Variants in DARS1 observed in about 807,000 individuals in gnomAD.
DARS1 encodes aspartyl-tRNA synthetase 1.
A neutral mutation model predicts 68.8 loss-of-function variants in DARS1; 51 were observed. The ratio of observed to expected loss-of-function variants is 0.74; its 90% CI spans 0.59 to 0.94. The LOEUF (loss-of-function observed/expected upper bound fraction) is 0.94, where lower values mean the gene tolerates loss of function less well. Among genes scored for constraint, DARS1 ranks in the 40% least tolerant of loss-of-function variants. The pLI, the probability that DARS1 is intolerant of heterozygous loss-of-function variation, is 0.00. For missense variants in DARS1, 607 were observed against 597.3 expected (o/e 1.02, Z -0.17); for synonymous variants, 203 against 190.4 (o/e 1.07, Z -0.55).
chr2:135,953,447 G>C (rs1558792328), intron 4 of DARS1, among the ~76,000 whole-genome samples: 1 of 152,102 alleles, frequency 6.6e-6, no homozygotes, highest in Non-Finnish European at 1.5e-5. Context: ...GCTTTTTTGA[G>C]TGACTTTGTG....
chr2:135,973,132 T>C (rs1682417480), intron 3 of DARS1, among the ~76,000 whole-genome samples: 1 of 152,220 alleles, frequency 6.6e-6, no homozygotes, highest in African/African-American at 2.4e-5. Flanking sequence ...TCATGTTTAC[T>C]GCAGCAGCAT....
chr2:135,983,537 T>A, intron 1 of DARS1, 83 bp from the exon 2 acceptor site: 1 of 589,452 alleles, frequency 1.7e-6, no homozygotes. Context: ...TAATAGAATA[T>A]AAAAATGAAT....
At chr2:135,957,054 C>T (rs949954184) in intron 4 of DARS1, among the ~76,000 whole-genome samples, 1 of 151,944 alleles carries the variant, frequency 6.6e-6, no homozygotes, top group African/African-American at 2.4e-5. Flanking sequence ...TGTGACCAAC[C>T]GCGCCCGGCC....
chr2:135,972,044 T>C (rs1275256224), intron 3 of DARS1, among the ~76,000 whole-genome samples: 4 of 152,060 alleles, frequency 2.6e-5, no homozygotes, highest in African/African-American at 9.7e-5. Context: ...CCTATCAAAA[T>C]GCCAATGACA....
chr2:135,948,092 T>C (rs1056837114), intron 4 of DARS1, among the ~76,000 whole-genome samples: 1 of 152,240 alleles, frequency 6.6e-6, no homozygotes, highest in Non-Finnish European at 1.5e-5. Context: ...CCGTTTTTTT[T>C]CTTAGCACAC....
chr2:135,919,659 C>G (rs997856822), intron 10 of DARS1, among the ~76,000 whole-genome samples: 5 of 152,168 alleles, frequency 3.3e-5, no homozygotes, highest in Non-Finnish European at 7.4e-5. Context: ...AAACAACTTT[C>G]AATGACCTGT....
At chr2:135,968,452 G>T (rs187442591) in intron 3 of DARS1, among the ~76,000 whole-genome samples, 2 of 152,118 alleles carry the variant, frequency 1.3e-5, no homozygotes, top group African/African-American at 4.8e-5. Flanking sequence ...GACACAACTT[G>T]TAAGTGCCTT....
At chr2:135,957,439 TG>T (rs1468796427) in intron 4 of DARS1, among the ~76,000 whole-genome samples, 2 of 152,014 alleles carry the variant, frequency 1.3e-5, no homozygotes, top group Non-Finnish European at 2.9e-5. Context: ...AGGATGGTCT[TG>T]ATCTCCTGAC....
chr2:135,970,723 A>C (rs188905194), intron 3 of DARS1, among the ~76,000 whole-genome samples: 46 of 152,232 alleles, frequency 3.0e-4, no homozygotes, highest in African/African-American at 1.0e-3. Flanking sequence ...AGACTAAGGA[A>C]AAAAGAGAAA....
intron 3 of DARS1, among the ~76,000 whole-genome samples, chr2:135,961,963 T>C (rs889640702): frequency 7.2e-5 from 11 of 152,198 alleles, no homozygotes; most frequent in East Asian, 3.9e-4. Context: ...ACAAACACTA[T>C]GGGGTGGTCC....
chr2:135,936,566 T>C (rs1681477066), intron 5 of DARS1, among the ~76,000 whole-genome samples: 1 of 152,186 alleles, frequency 6.6e-6, no homozygotes, highest in South Asian at 2.1e-4. Flanking sequence ...TGGCCAAATT[T>C]TCTTTATTCA....
chr2:135,936,894 C>T (rs1214443529), intron 5 of DARS1, among the ~76,000 whole-genome samples: 1 of 152,154 alleles, frequency 6.6e-6, no homozygotes, highest in African/African-American at 2.4e-5. Context: ...GCCTGTTGGT[C>T]TGCCTGACTC....
intron 3 of DARS1, among the ~76,000 whole-genome samples, chr2:135,969,214 A>G (rs1215294534): frequency 6.6e-6 from 1 of 152,162 alleles, no homozygotes; most frequent in Admixed American, 6.5e-5. Flanking sequence ...GGTTTCCAAG[A>G]AACACTGTTA....
rs542566467 is a variant in DARS1, at chr2:135,972,657, A to G, written c.217+6617T>C. On this transcript the variant is annotated intron_variant, in intron 3 of 15. Transcript: ENST00000264161. ...AGAGACAACCCACAGAATGGGACAAAGTATTTACAAACTACCCATCTGACG... is the reference window on the plus strand; with the variant it reads ...AGAGACAACCCACAGAATGGGACAAGGTATTTACAAACTACCCATCTGACG... Among the ~76,000 whole-genome samples the G allele has an allele frequency of 1.2e-3, 188 of 152,348 alleles. 1 individual carries two copies. The highest frequency in any genetic ancestry group is 4.3e-3 in the African/African-American group (179 of 41,576).
At chr2:135,928,203 A>G (rs1184461968) in intron 7 of DARS1, among the ~76,000 whole-genome samples, 2 of 152,170 alleles carry the variant, frequency 1.3e-5, no homozygotes, top group Non-Finnish European at 2.9e-5. Context: ...TACCCACTAT[A>G]TCTTTTGCTT....
chr2:135,965,863 C>T (rs1682221613), intron 3 of DARS1, among the ~76,000 whole-genome samples: 1 of 152,098 alleles, frequency 6.6e-6, no homozygotes, highest in Non-Finnish European at 1.5e-5. Flanking sequence ...AGGACTCAAA[C>T]AAACAAACAA....
chr2:135,946,139 G>A (rs1236931611), intron 4 of DARS1, among the ~76,000 whole-genome samples: 1 of 152,172 alleles, frequency 6.6e-6, no homozygotes, highest in African/African-American at 2.4e-5. Flanking sequence ...GTCAAAACAA[G>A]AGAGACAGGA....
chr2:135,906,948 C>T lies in DARS1; in HGVS notation c.*368G>A, dbSNP rs1680794386. 1 of 153,794 alleles carries T rather than the reference C, an allele frequency of 6.5e-6. No individual in the cohort carries two copies. Among genetic ancestry groups the T allele is most frequent in the Non-Finnish European group, 1.4e-5 (1 of 69,058 alleles). 9.5% of individuals were successfully genotyped at this position (153,794 alleles called of 1,614,324 possible). ...AAATCTAAGACATTAACACTGGGGC[C>T]CTTGTAATATAGAAAAGAAGAAAAA... On this transcript the variant is annotated 3_prime_UTR_variant, in exon 16 of 16. Coordinates refer to ENST00000264161, the MANE Select transcript of DARS1 (RefSeq NM_001349.4).
chr2:135,963,264 A>C (rs945834985), intron 3 of DARS1, among the ~76,000 whole-genome samples: 1 of 152,206 alleles, frequency 6.6e-6, no homozygotes, highest in African/African-American at 2.4e-5. Context: ...TCAGTTCTTC[A>C]TCTGGAAAAT....
Sources: allele counts gnomAD v4.1 joint callset (sites outside exome capture counted in the v4.1 genomes callset), GRCh38; gene constraint gnomAD v4.1.1; transcripts MANE v1.5; gene names NCBI Gene and HGNC (gene_info 2026-07-23, HGNC 2026-07-21).